The following NELL2 variants were observed in gnomAD, a reference collection of about 807,000 sequenced individuals.
The protein encoded by NELL2 is neural EGFL like 2, also known as protein kinase C-binding protein NELL2.
NELL2 carries 41 observed loss-of-function variants against 109.6 expected under a neutral mutation model. The observed-to-expected ratio is 0.37, with a 90% CI of 0.29 to 0.49. The LOEUF (loss-of-function observed/expected upper bound fraction) is 0.49. Ranked by LOEUF, NELL2 falls within the 20% of genes least tolerant of loss-of-function variation. The pLI, the probability that NELL2 is intolerant of heterozygous loss-of-function variation, is 0.98. For synonymous variants in NELL2, 355 were observed against 344.7 expected, an observed-to-expected ratio of 1.03 and a Z score of -0.33; for missense variants, 900 against 1,008.3, an observed-to-expected ratio of 0.89 and a Z score of 1.45.
chr12:44,532,408 T>C (rs988781985), intron 16 of NELL2, 173 bp downstream of exon 16: 9 of 469,024 alleles, frequency 1.9e-5, no homozygotes, highest in Non-Finnish European at 2.4e-5. Context: ...AAAATAACAT[T>C]AGATACCATA....
chr12:44,919,060 A>T (rs1945850097), upstream of NELL2, among the ~76,000 whole-genome samples: 1 of 152,198 alleles, frequency 6.6e-6, no homozygotes, highest in South Asian at 2.1e-4. Context: ...CTGACCTTCA[A>T]CCATCCTACT....
At position 44,522,571 on chromosome 12, in the gene NELL2, CAT is replaced by C. The variant is rs548463424; in HGVS notation, c.1999-397_1999-396del. ...TGTTTTAATATTTCATAGTTAATAACATATATATATTACTAAATTTCTGGAGT... is the reference window on the plus strand; with the variant it reads ...TGTTTTAATATTTCATAGTTAATAACATATATATTACTAAATTTCTGGAGT... On this transcript the variant is annotated intron_variant, in intron 17 of 19. Transcript: ENST00000429094. Among the ~76,000 whole-genome samples, 35 of 152,044 alleles carry C rather than the reference CAT, an allele frequency of 2.3e-4. No homozygotes were observed. The South Asian group carries it at 4.8e-3, about 21-fold the overall frequency.
At chr12:44,732,901 A>G (rs988496371) in intron 9 of NELL2, among the ~76,000 whole-genome samples, 1 of 152,072 alleles carries the variant, frequency 6.6e-6, no homozygotes, top group African/African-American at 2.4e-5. Context: ...TTGAATAGGC[A>G]TTTCTCCAAA....
At chr12:44,788,028 T>A (rs1942245326) in intron 3 of NELL2, among the ~76,000 whole-genome samples, 1 of 151,974 alleles carries the variant, frequency 6.6e-6, no homozygotes, top group Admixed American at 6.5e-5. Flanking sequence ...CATGCTACAG[T>A]TTGGAAGAAA....
At chr12:44,769,228 C>G (rs918848534) in intron 9 of NELL2, among the ~76,000 whole-genome samples, 1 of 151,998 alleles carries the variant, frequency 6.6e-6, no homozygotes, top group Non-Finnish European at 1.5e-5. Context: ...AAATAAGCCT[C>G]CCAAATTACC....
intron 2 of NELL2, among the ~76,000 whole-genome samples, chr12:44,825,334 T>TAATTTAC (rs1943674760): frequency 3.3e-5 from 5 of 151,978 alleles, no homozygotes; most frequent in Admixed American, 3.3e-4. Flanking sequence ...CTCCTTGATT[T>TAATTTAC]AATTTACACC....
At chr12:44,584,864 A>G (rs1033974409) in intron 15 of NELL2, among the ~76,000 whole-genome samples, 1 of 152,186 alleles carries the variant, frequency 6.6e-6, no homozygotes, top group Non-Finnish European at 1.5e-5. Context: ...TAGACAATGG[A>G]TATACCTGCC....
intron 1 of NELL2, among the ~76,000 whole-genome samples, chr12:44,904,422 C>T (rs548501395): frequency 6.6e-6 from 1 of 152,266 alleles, no homozygotes; most frequent in East Asian, 1.9e-4. Flanking sequence ...AGGTCTGGCT[C>T]ATAAAACTTC....
chr12:44,586,463 G>T (rs1465498380), intron 15 of NELL2, among the ~76,000 whole-genome samples: 1 of 151,620 alleles, frequency 6.6e-6, no homozygotes, highest in Non-Finnish European at 1.5e-5. Context: ...TTTTAACAAT[G>T]AACTATCATT....
intron 16 of NELL2, among the ~76,000 whole-genome samples, chr12:44,527,549 A>C (rs1941841304): frequency 6.6e-6 from 1 of 152,218 alleles, no homozygotes; most frequent in Non-Finnish European, 1.5e-5. Flanking sequence ...GAAGTTATTT[A>C]TTCATGCCTC....
At chr12:44,840,335 T>C (rs769619537) in intron 2 of NELL2, among the ~76,000 whole-genome samples, 7 of 152,220 alleles carry the variant, frequency 4.6e-5, no homozygotes, top group Admixed American at 1.3e-4. Context: ...CACTATATTT[T>C]CTCACTTTCC....
intron 2 of NELL2, among the ~76,000 whole-genome samples, chr12:44,861,538 T>C (rs901512827): frequency 6.6e-6 from 1 of 152,154 alleles, no homozygotes; most frequent in African/African-American, 2.4e-5. Context: ...AACAAGCAGC[T>C]GCAGCAGCCA....
chr12:44,559,402 A>G (rs1040283365), intron 15 of NELL2, among the ~76,000 whole-genome samples: 4 of 152,216 alleles, frequency 2.6e-5, no homozygotes, highest in Non-Finnish European at 5.9e-5. Flanking sequence ...TAAAGAGTAA[A>G]GATCCATCGG....
chr12:44,742,455 G>A (rs1455534905), intron 9 of NELL2, among the ~76,000 whole-genome samples: 3 of 152,242 alleles, frequency 2.0e-5, no homozygotes, highest in South Asian at 2.1e-4. Context: ...AAAGCTGGAC[G>A]GAGAATGACT....
intron 2 of NELL2, among the ~76,000 whole-genome samples, chr12:44,858,168 A>G (rs1431506416): frequency 6.6e-6 from 1 of 152,206 alleles, no homozygotes; most frequent in East Asian, 1.9e-4. Flanking sequence ...TACTATGCCA[A>G]TTGAGGCAGA....
intron 7 of NELL2, among the ~76,000 whole-genome samples, chr12:44,776,455 A>C (rs1383495195): frequency 1.3e-5 from 2 of 152,238 alleles, no homozygotes; most frequent in Non-Finnish European, 2.9e-5. Context: ...TTTAAAAGAA[A>C]AATGTTTAAT....
At chr12:44,771,346 T>TAA (rs80288426) in intron 9 of NELL2, among the ~76,000 whole-genome samples, 1,732 of 143,970 alleles carry the variant, frequency 0.012, 19 homozygotes, top group African/African-American at 0.026. Context: ...ATGGTTTTTT[T>TAA]AAAAAAAAAA....
rs963092997 is a variant in NELL2, at chr12:44,908,298, G to C, written c.38+5501C>G. Among the ~76,000 whole-genome samples, 3 of 151,976 alleles carry C rather than the reference G, an allele frequency of 2.0e-5. No individual in the cohort carries two copies. In the South Asian group the frequency reaches 6.2e-4, roughly 32 times the overall value. On this transcript the variant is annotated intron_variant, in intron 1 of 20. Transcript: ENST00000333837. ...CATTGAGGAATAGAGGGTATGTACA[G>C]GGGAATTCTTACAGTGATTAATCAT...
chr12:44,681,307 T>G (rs540836452), intron 12 of NELL2, among the ~76,000 whole-genome samples: 4 of 150,626 alleles, frequency 2.7e-5, no homozygotes, highest in Non-Finnish European at 5.9e-5. Flanking sequence ...AAACACTGTA[T>G]ACGTTTTAAT....
Sources: gnomAD v4.1 joint callset for allele counts (sites outside exome capture counted in the v4.1 genomes callset) on GRCh38, gnomAD v4.1.1 for gene constraint, MANE v1.5 for transcripts, NCBI Gene and HGNC (gene_info 2026-07-23, HGNC 2026-07-21) for gene names.